The following CPVL variants were observed in gnomAD, a reference collection of about 807,000 sequenced individuals.
CPVL encodes the protein carboxypeptidase vitellogenic like, also known as probable serine carboxypeptidase CPVL.
In CPVL, 51 loss-of-function variants were observed where a neutral mutation model predicts 63.7. The ratio of observed to expected loss-of-function variants is 0.80; its 90% CI spans 0.64 to 1.01. The LOEUF (loss-of-function observed/expected upper bound fraction) is 1.01, where lower values mean the gene tolerates loss of function less well. CPVL is among the 50% of genes least tolerant of loss of function. CPVL has a pLI of 0.00. For synonymous variants in CPVL, 195 were observed against 206.0 expected (o/e 0.95, Z 0.46); for missense variants, 530 against 573.1 (o/e 0.92, Z 0.77).
In CPVL at chr7:29,195,110, G is replaced by A. The variant is rs1783505822; in HGVS notation, c.-481C>T. On this transcript the variant is annotated 5_prime_UTR_variant, in exon 1 of 17. Coordinates refer to the CPVL transcript ENST00000409850. ...ATCCCGCCCGCTCTCTCGGAATGGG[G>A]GCAGGCGTCCGGGGTGATACTTGTT... 3 of 1,084,704 alleles carry A rather than the reference G, an allele frequency of 2.8e-6. No individual in the cohort carries two copies. In the African/African-American group the frequency reaches 4.9e-5, roughly 18 times the overall value. 67.2% of individuals were successfully genotyped at this position (1,084,704 alleles called of 1,614,324 possible).
chr7:29,146,547 G>C (rs992377619), upstream of CPVL: 1 of 1,525,766 alleles, frequency 6.6e-7, no homozygotes, highest in African/African-American at 1.4e-5. Context: ...CGAGGACCCT[G>C]CAGAACTCGA....
At chr7:29,113,287 T>C (rs1415379540) in intron 2 of CPVL, among the ~76,000 whole-genome samples, 2 of 152,000 alleles carry the variant, frequency 1.3e-5, no homozygotes, top group Non-Finnish European at 1.5e-5. Context: ...GCTCTTGTTT[T>C]CATGAAGGCA....
intron 5 of CPVL, among the ~76,000 whole-genome samples, chr7:29,163,557 A>G (rs995408629): frequency 6.6e-6 from 1 of 152,084 alleles, no homozygotes; most frequent in African/African-American, 2.4e-5. Flanking sequence ...TTTTTTTTAC[A>G]ATCTTATTAA....
intron 11 of CPVL, among the ~76,000 whole-genome samples, chr7:29,056,641 C>A (rs1296363141): frequency 6.6e-6 from 1 of 152,094 alleles, no homozygotes; most frequent in East Asian, 1.9e-4. Context: ...TTATAAATAG[C>A]CCTGTACAGA....
chr7:29,186,948 A>G (rs1379952086), intron 1 of CPVL, among the ~76,000 whole-genome samples: 1 of 152,178 alleles, frequency 6.6e-6, no homozygotes, highest in Non-Finnish European at 1.5e-5. Flanking sequence ...AAGATATTAT[A>G]TAAGTTTTCT....
At chr7:29,079,675 C>T (rs563085102) in intron 7 of CPVL, among the ~76,000 whole-genome samples, 1 of 152,302 alleles carries the variant, frequency 6.6e-6, no homozygotes, top group African/African-American at 2.4e-5. Context: ...TACATGATCC[C>T]AAGCCCAGGC....
intron 12 of CPVL, chr7:29,013,206 T>G (rs1786028371): frequency 6.6e-6 from 1 of 152,254 alleles, no homozygotes; most frequent in Non-Finnish European, 1.5e-5. Context: ...GAGAGAGCAC[T>G]GGAGGAGAGG....
chr7:29,125,337 A>T (rs189671008), intron 1 of CPVL, among the ~76,000 whole-genome samples: 1 of 152,000 alleles, frequency 6.6e-6, no homozygotes, highest in Non-Finnish European at 1.5e-5. Flanking sequence ...CAAGACTCAA[A>T]GCCAGAATTT....
chr7:29,002,866 C>CAAAA lies in CPVL; in HGVS notation c.1321-6988_1321-6985dup, dbSNP rs373207674. On this transcript the variant is annotated intron_variant, in intron 12 of 12. Transcript: ENST00000265394. ...CATGGAGAATAAAGGTATGAAAATT[C>CAAAA]AAAAAAAAAAAAAAAGAAGAAGAAG... Among the ~76,000 whole-genome samples the CAAAA allele has an allele frequency of 8.0e-5, 10 of 124,300 alleles. 1 individual carries two copies. The highest frequency in any genetic ancestry group is 1.5e-4 in the Non-Finnish European group (9 of 61,570). The allele number at this position is 124,300 out of a possible 152,430, so 81.5% of individuals were successfully genotyped here.
chr7:29,190,061 C>CT (rs1404569231), intron 1 of CPVL, among the ~76,000 whole-genome samples: 2 of 152,248 alleles, frequency 1.3e-5, no homozygotes, highest in African/African-American at 2.4e-5. Context: ...TGTGCACCTC[C>CT]TGAGGAAACA....
intron 1 of CPVL, among the ~76,000 whole-genome samples, chr7:29,138,790 A>G (rs1791530668): frequency 6.6e-6 from 1 of 152,190 alleles, no homozygotes; most frequent in Non-Finnish European, 1.5e-5. Flanking sequence ...TCCTGAACAG[A>G]GACTGCTGAG....
intron 9 of CPVL, among the ~76,000 whole-genome samples, chr7:29,070,368 C>T (rs996292630): frequency 5.9e-5 from 9 of 152,304 alleles, no homozygotes; most frequent in Middle Eastern, 6.8e-3. Flanking sequence ...AATGCTCTTG[C>T]TCTTGACAAT....
chr7:29,133,783 G>C (rs988201693), intron 1 of CPVL, among the ~76,000 whole-genome samples: 2 of 152,198 alleles, frequency 1.3e-5, no homozygotes, highest in African/African-American at 4.8e-5. Context: ...AATTTTTGTT[G>C]TTAGATGGAA....
chr7:29,142,592 T>C (rs897996309), intron 1 of CPVL, among the ~76,000 whole-genome samples: 16 of 148,630 alleles, frequency 1.1e-4, no homozygotes, highest in Non-Finnish European at 1.5e-4. Context: ...AGTGGTGCAA[T>C]CTCGGTTCAC....
intron 6 of CPVL, among the ~76,000 whole-genome samples, chr7:29,086,857 G>A (rs1159960366): frequency 3.3e-5 from 5 of 152,104 alleles, no homozygotes; most frequent in East Asian, 1.9e-4. Context: ...CACATGTTAC[G>A]TAGCAATTCT....
At chr7:29,097,753 AT>A (rs1377575198) in intron 3 of CPVL, among the ~76,000 whole-genome samples, 2 of 152,156 alleles carry the variant, frequency 1.3e-5, no homozygotes, top group African/African-American at 4.8e-5. Flanking sequence ...AATATGGGTG[AT>A]TTAAGAGTCA....
chr7:29,061,488 T>C (rs1791275718), intron 11 of CPVL, among the ~76,000 whole-genome samples: 1 of 152,188 alleles, frequency 6.6e-6, no homozygotes, highest in East Asian at 1.9e-4. Flanking sequence ...TTAGGATACA[T>C]GGGCAAGAGG....
chr7:29,106,380 G>A (rs1021036076), intron 3 of CPVL, among the ~76,000 whole-genome samples: 3 of 152,102 alleles, frequency 2.0e-5, no homozygotes, highest in Non-Finnish European at 4.4e-5. Flanking sequence ...CACCTGGACA[G>A]AGCCAGGGAT....
intron 12 of CPVL, among the ~76,000 whole-genome samples, chr7:29,003,508 T>G (rs1784873613): frequency 6.6e-6 from 1 of 152,124 alleles, no homozygotes; most frequent in African/African-American, 2.4e-5. Flanking sequence ...TTATCCGTAA[T>G]GGAAACATGA....
Sources: gnomAD v4.1 joint callset for allele counts (sites outside exome capture counted in the v4.1 genomes callset) on GRCh38, gnomAD v4.1.1 for gene constraint, MANE v1.5 for transcripts, NCBI Gene and HGNC (gene_info 2026-07-23, HGNC 2026-07-21) for gene names.